The following SPATA31H1 variants were observed in gnomAD, a reference collection of about 807,000 sequenced individuals.
The protein encoded by SPATA31H1 is SPATA31 subfamily H member 1.
chr2:27,571,283 C>G, the SPATA31H1 span: 205,492 of 398,122 alleles, frequency 0.52, 55,401 homozygotes, highest in East Asian at 0.86. Flanking sequence ...CAGGATCACA[C>G]TTGGAAGATA....
the SPATA31H1 span, chr2:27,570,905 T>C: frequency 2.5e-6 from 1 of 398,880 alleles, no homozygotes; most frequent in East Asian, 3.6e-5. Flanking sequence ...AGTTGACTCC[T>C]GGGCCACAGT....
the SPATA31H1 span, chr2:27,567,292 T>C: frequency 1.7e-6 from 1 of 581,566 alleles, no homozygotes; most frequent in Non-Finnish European, 3.1e-6. Context: ...GAAGGACATA[T>C]GTCTCAGAAG....
At chr2:27,567,908 G>A in the SPATA31H1 span, 42 of 398,838 alleles carry the variant, frequency 1.1e-4, no homozygotes, top group Admixed American at 1.8e-4. Flanking sequence ...CAGAATTTGC[G>A]GGTTTGTTCT....
At chr2:27,537,983 A>C in the SPATA31H1 span, among the ~76,000 whole-genome samples, 1 of 151,982 alleles carries the variant, frequency 6.6e-6, no homozygotes, top group Admixed American at 6.6e-5. Context: ...TGAATAGAGG[A>C]AGGCAGTGGA....
the SPATA31H1 span, chr2:27,578,907 G>A: frequency 1.2e-6 from 2 of 1,614,060 alleles, no homozygotes; most frequent in African/African-American, 2.7e-5. Flanking sequence ...GCAGCCTGAA[G>A]AGACCTATAT....
chr2:27,551,450 T>C, the SPATA31H1 span, among the ~76,000 whole-genome samples: 1 of 152,218 alleles, frequency 6.6e-6, no homozygotes, highest in African/African-American at 2.4e-5. Context: ...AACCAGATTA[T>C]TCTTTATTAT....
the SPATA31H1 span, chr2:27,581,878 C>T: frequency 1.2e-6 from 2 of 1,611,560 alleles, no homozygotes; most frequent in Non-Finnish European, 1.7e-6. Flanking sequence ...CATTGCAGTC[C>T]CTCTGAGAGA....
the SPATA31H1 span, among the ~76,000 whole-genome samples, chr2:27,548,494 G>C: frequency 2.0e-5 from 3 of 151,288 alleles, no homozygotes; most frequent in Non-Finnish European, 4.4e-5. Flanking sequence ...TGTGGTCCCA[G>C]CTACTCAGGA....
chr2:27,569,348 A>C, the SPATA31H1 span: 1 of 398,978 alleles, frequency 2.5e-6, no homozygotes, highest in Non-Finnish European at 4.4e-6. Flanking sequence ...AATATAAAGA[A>C]ACTGTGGGGT....
the SPATA31H1 span, chr2:27,581,915 A>G: frequency 4.4e-6 from 7 of 1,585,830 alleles, no homozygotes; most frequent in Non-Finnish European, 6.0e-6. Context: ...CTGAGAGAAG[A>G]CATCACAGTC....
At chr2:27,545,063 C>T in the SPATA31H1 span, among the ~76,000 whole-genome samples, 5 of 150,488 alleles carry the variant, frequency 3.3e-5, no homozygotes, top group Admixed American at 2.6e-4. Flanking sequence ...TACTCTGTTG[C>T]ACAGGCTGGA....
At chr2:27,579,951 T>A in the SPATA31H1 span, 1 of 1,614,218 alleles carries the variant, frequency 6.2e-7, no homozygotes, top group Non-Finnish European at 8.5e-7. Context: ...GTGTGGCCGA[T>A]GTTCAGGACT....
the SPATA31H1 span, among the ~76,000 whole-genome samples, chr2:27,552,319 G>T: frequency 4.6e-5 from 7 of 151,934 alleles, no homozygotes; most frequent in Admixed American, 2.0e-4. Flanking sequence ...TGGCTATCTA[G>T]TTGTCCCAGC....
At chr2:27,554,523 G>C in the SPATA31H1 span, among the ~76,000 whole-genome samples, 1 of 151,866 alleles carries the variant, frequency 6.6e-6, no homozygotes, top group African/African-American at 2.4e-5. Flanking sequence ...ACTTCTTACT[G>C]TGTTTTTACA....
chr2:27,547,330 T>C, the SPATA31H1 span, among the ~76,000 whole-genome samples: 601 of 151,888 alleles, frequency 4.0e-3, 15 homozygotes, highest in African/African-American at 0.014. Flanking sequence ...CACACCACCA[T>C]GCCCAGCTAA....
chr2:27,543,025 G>A, the SPATA31H1 span, among the ~76,000 whole-genome samples: 14 of 152,050 alleles, frequency 9.2e-5, no homozygotes, highest in African/African-American at 3.4e-4. Flanking sequence ...CCTGGGAGGC[G>A]GAGGTTGCAG....
the SPATA31H1 span, among the ~76,000 whole-genome samples, chr2:27,554,626 T>C: frequency 6.6e-6 from 1 of 152,154 alleles, no homozygotes; most frequent in East Asian, 1.9e-4. Context: ...AAGTCTGGAG[T>C]GCAGTGGCAT....
At chr2:27,573,659 C>T in the SPATA31H1 span, 224,173 of 398,104 alleles carry the variant, frequency 0.56, 65,410 homozygotes, top group East Asian at 0.86. Context: ...CTGGGCTTCA[C>T]TCGCAAGATG....
the SPATA31H1 span, chr2:27,537,654 A>G: frequency 3.0e-6 from 2 of 671,856 alleles, no homozygotes; most frequent in Non-Finnish European, 5.5e-6. Context: ...CATGGGAGGA[A>G]CTGGATGCAG....
Sources: gnomAD v4.1 joint callset for allele counts (sites outside exome capture counted in the v4.1 genomes callset) on GRCh38, gnomAD v4.1.1 for gene constraint, MANE v1.5 for transcripts, NCBI Gene and HGNC (gene_info 2026-07-23, HGNC 2026-07-21) for gene names.